Variants in CYBRD1 observed in about 807,000 individuals in gnomAD.
The protein encoded by CYBRD1 is cytochrome b reductase 1.
CYBRD1 carries 14 observed loss-of-function variants against 21.9 expected under a neutral mutation model. That is an observed-to-expected ratio of 0.64 (90% CI 0.42 to 1.00). The LOEUF (loss-of-function observed/expected upper bound fraction) is 1.00. CYBRD1 is among the 50% of genes least tolerant of loss of function. The pLI, the probability that CYBRD1 is intolerant of heterozygous loss-of-function variation, is 0.00. For missense variants in CYBRD1, 328 were observed against 352.5 expected (o/e 0.93, Z 0.56); for synonymous variants, 146 against 136.5 (o/e 1.07, Z -0.48).
At chr2:171,538,680 G>A (rs559262090) in intron 1 of CYBRD1, among the ~76,000 whole-genome samples, 1 of 152,170 alleles carries the variant, frequency 6.6e-6, no homozygotes, top group African/African-American at 2.4e-5. Context: ...GACATCCTGT[G>A]CTGAAAGCTT....
chr2:171,547,658 A>T (rs777479714), intron 2 of CYBRD1, among the ~76,000 whole-genome samples: 1 of 152,148 alleles, frequency 6.6e-6, no homozygotes, highest in East Asian at 1.9e-4. Flanking sequence ...GCTTGGGGTG[A>T]TTTCTTGCTT....
intron 2 of CYBRD1, among the ~76,000 whole-genome samples, chr2:171,548,336 G>T (rs1697748485): frequency 6.6e-6 from 1 of 152,134 alleles, no homozygotes; most frequent in South Asian, 2.1e-4. Flanking sequence ...AAGCACATAA[G>T]GTGATTCAGA....
chr2:171,549,820 G>A (rs1697772781), intron 2 of CYBRD1, among the ~76,000 whole-genome samples: 1 of 152,214 alleles, frequency 6.6e-6, no homozygotes, highest in African/African-American at 2.4e-5. Flanking sequence ...TGTAGGTGAT[G>A]ATTCCTAAAC....
chr2:171,550,658 T>C (rs956141803), intron 2 of CYBRD1, among the ~76,000 whole-genome samples: 1 of 152,216 alleles, frequency 6.6e-6, no homozygotes, highest in African/African-American at 2.4e-5. Context: ...TGTAATTTTC[T>C]TTTGTTGCAA....
At chr2:171,538,491 T>C (rs555272022) in intron 1 of CYBRD1, among the ~76,000 whole-genome samples, 17 of 152,306 alleles carry the variant, frequency 1.1e-4, no homozygotes, top group African/African-American at 1.2e-4. Flanking sequence ...ATAGAAATGA[T>C]TATCCAAAAA....
At chr2:171,537,616 T>C (rs2105336274) in intron 1 of CYBRD1, among the ~76,000 whole-genome samples, 1 of 152,314 alleles carries the variant, frequency 6.6e-6, no homozygotes, top group Admixed American at 6.5e-5. Flanking sequence ...CAGAGGATTG[T>C]ATCAATGTCA....
At chr2:171,550,168 C>A (rs921526924) in intron 2 of CYBRD1, among the ~76,000 whole-genome samples, 1 of 152,092 alleles carries the variant, frequency 6.6e-6, no homozygotes, top group African/African-American at 2.4e-5. Flanking sequence ...CTGAAGTGCA[C>A]AATGTCAGCT....
intron 1 of CYBRD1, among the ~76,000 whole-genome samples, chr2:171,536,383 C>T (rs1163060912): frequency 6.6e-6 from 1 of 152,146 alleles, no homozygotes; most frequent in Non-Finnish European, 1.5e-5. Context: ...CTGCTCGCTG[C>T]AACCTCCGCC....
At chr2:171,523,146 G>C in intron 1 of CYBRD1, 1 of 323,338 alleles carries the variant, frequency 3.1e-6, no homozygotes, top group South Asian at 2.6e-5. Context: ...ACGCGCCCCG[G>C]AAAGTCGCCC....
At position 171,532,911 on chromosome 2, in the gene CYBRD1, G is replaced by GTGTGTATA. The variant is rs1491316856; in HGVS notation, c.194-8673_194-8672insGTGTATAT. Among the ~76,000 whole-genome samples, 130 of 146,634 alleles carry GTGTGTATA rather than the reference G, an allele frequency of 8.9e-4. 2 individuals carry two copies. Among genetic ancestry groups the GTGTGTATA allele is most frequent in the African/African-American group, 3.2e-3 (126 of 39,682 alleles). ...TGTGTGTGTGTGTGTGTGTGTGTGT[G>GTGTGTATA]TATGGAAACATGTTGTATAGCACAA... is the stretch of plus-strand genomic sequence containing the variant. On this transcript the variant is annotated intron_variant, in intron 1 of 3. Coordinates refer to ENST00000321348, the MANE Select transcript of CYBRD1 (RefSeq NM_024843.4).
chr2:171,550,879 G>A (rs1411048641), intron 2 of CYBRD1: 1 of 155,602 alleles, frequency 6.4e-6, no homozygotes, highest in Non-Finnish European at 1.4e-5. Context: ...TGTTTCTATG[G>A]GTAAGCCACA....
At chr2:171,531,355 G>A (rs1329646363) in intron 1 of CYBRD1, among the ~76,000 whole-genome samples, 3 of 152,066 alleles carry the variant, frequency 2.0e-5, no homozygotes, top group African/African-American at 7.2e-5. Context: ...AGTACTTACT[G>A]TGTACCAGAC....
intron 2 of CYBRD1, among the ~76,000 whole-genome samples, chr2:171,548,455 T>C (rs1345371526): frequency 1.3e-5 from 2 of 152,072 alleles, no homozygotes; most frequent in Non-Finnish European, 2.9e-5. Flanking sequence ...TTCTTTAACA[T>C]TGGGAGCTTG....
chr2:171,537,722 T>A (rs899248476), intron 1 of CYBRD1, among the ~76,000 whole-genome samples: 2 of 152,210 alleles, frequency 1.3e-5, no homozygotes, highest in African/African-American at 4.8e-5. Flanking sequence ...TTCTTACAAC[T>A]GCTTGTGAAT....
At chr2:171,527,648 A>G (rs1258844811) in intron 1 of CYBRD1, among the ~76,000 whole-genome samples, 1 of 152,216 alleles carries the variant, frequency 6.6e-6, no homozygotes, top group Non-Finnish European at 1.5e-5. Context: ...GTTGCTGCTT[A>G]AGTACAATCT....
chr2:171,536,551 C>T (rs1697548944), intron 1 of CYBRD1, among the ~76,000 whole-genome samples: 1 of 152,134 alleles, frequency 6.6e-6, no homozygotes, highest in Admixed American at 6.6e-5. Context: ...AGTGACCCAC[C>T]CGCCTTGGCC....
chr2:171,548,588 A>G (rs1196163039), intron 2 of CYBRD1, among the ~76,000 whole-genome samples: 2 of 145,652 alleles, frequency 1.4e-5, no homozygotes, highest in Non-Finnish European at 3.0e-5. Flanking sequence ...AGCTGGGAGG[A>G]GCTTCCATAT....
chr2:171,548,224 C>G (rs1278121570), intron 2 of CYBRD1, among the ~76,000 whole-genome samples: 1 of 152,234 alleles, frequency 6.6e-6, no homozygotes, highest in Non-Finnish European at 1.5e-5. Flanking sequence ...AGAACAGCAG[C>G]ATTAGCATCA....
chr2:171,529,531 CAAAAA>C (rs57600338), intron 1 of CYBRD1, among the ~76,000 whole-genome samples: 17 of 69,300 alleles, frequency 2.5e-4, no homozygotes, highest in African/African-American at 1.1e-3. Context: ...AACTCTGTCT[CAAAAA>C]AAAAAAAAAA....
Sources: gnomAD v4.1 joint callset for allele counts (sites outside exome capture counted in the v4.1 genomes callset) on GRCh38, gnomAD v4.1.1 for gene constraint, MANE v1.5 for transcripts, NCBI Gene and HGNC (gene_info 2026-07-23, HGNC 2026-07-21) for gene names.